PAPSS2: variants seen among roughly 807,000 people sequenced by gnomAD.
PAPSS2 encodes bifunctional 3'-phosphoadenosine 5'-phosphosulfate synthase 2.
PAPSS2 carries 61 observed loss-of-function variants against 66.5 expected under a neutral mutation model. The ratio of observed to expected loss-of-function variants is 0.92; its 90% confidence interval spans 0.75 to 1.14. The LOEUF (loss-of-function observed/expected upper bound fraction) is 1.14. PAPSS2 is among the 50% of genes most tolerant of loss of function. PAPSS2 has a pLI of 0.00. For synonymous variants in PAPSS2, 289 were observed against 287.5 expected, an observed-to-expected ratio of 1.01 and a Z score of -0.05; for missense variants, 708 against 789.6, an observed-to-expected ratio of 0.90 and a Z score of 1.24.
At chr10:87,676,797 A>C (rs1268248937) in intron 1 of PAPSS2, among the ~76,000 whole-genome samples, 2 of 143,186 alleles carry the variant, frequency 1.4e-5, no homozygotes, top group African/African-American at 5.2e-5. Context: ...ACTTGAGCCC[A>C]GCGGTTCCAG....
chr10:87,691,633 G>C (rs748122207), intron 1 of PAPSS2, among the ~76,000 whole-genome samples: 4 of 152,184 alleles, frequency 2.6e-5, no homozygotes, highest in African/African-American at 4.8e-5. Context: ...GTAAGTTTGG[G>C]AAATGAGATA....
chr10:87,735,470 A>C (rs1176597840), intron 9 of PAPSS2, among the ~76,000 whole-genome samples: 1 of 152,220 alleles, frequency 6.6e-6, no homozygotes, highest in East Asian at 1.9e-4. Flanking sequence ...TTTGGAGGTC[A>C]GTTCTCAAAA....
Position 87,715,112 on chromosome 10 carries a change from G to A in PAPSS2, c.753+14G>A. ...TCAATTACTAAGGTAAGTGGGTGCA[G>A]ACTGGTCAAATAATTAGGCTTAATA... On this transcript the variant is annotated intron_variant, in intron 6 of 12. Coordinates refer to ENST00000456849, the MANE Select transcript of PAPSS2 (RefSeq NM_001015880.2). 1 of 1,333,088 alleles carries A rather than the reference G, an allele frequency of 7.5e-7. No homozygotes were observed. The highest frequency in any genetic ancestry group is 1.1e-6 in the Non-Finnish European group (1 of 923,804). 82.6% of individuals were successfully genotyped at this position (1,333,088 alleles called of 1,614,324 possible). A position where few individuals can be genotyped will look rare whatever the true frequency, so the allele number is the denominator to read the frequency against.
In PAPSS2 at chr10:87,746,109, A is replaced by G; in HGVS notation, c.*139A>G. 2.1e-6 allele frequency: 1 copy of G among 485,662 alleles called. No homozygotes were observed. Among genetic ancestry groups the G allele is most frequent in the Non-Finnish European group, 3.4e-6 (1 of 296,230 alleles). The allele number at this position is 485,662 out of a possible 1,614,324, so 30.1% of individuals were successfully genotyped here. ...TGAAGTAAAAGTTGTGTCTATAATT[A>G]AAAAAAAATATATATATATACACAC... On this transcript the variant is annotated 3_prime_UTR_variant, in exon 13 of 13. Transcript: ENST00000456849.
chr10:87,665,920 G>C (rs550563616), intron 1 of PAPSS2, among the ~76,000 whole-genome samples: 1 of 150,274 alleles, frequency 6.7e-6, no homozygotes, highest in Non-Finnish European at 1.5e-5. Flanking sequence ...TTTTGGCCTA[G>C]TAGTTTCTTC....
At position 87,686,141 on chromosome 10, in the gene PAPSS2, G is replaced by GTT. The variant is rs572035192; in HGVS notation, c.28-23042_28-23041dup. 5.9e-3 allele frequency among the ~76,000 whole-genome samples: 814 copies of GTT among 137,212 alleles called. 12 individuals carry two copies. The highest frequency in any genetic ancestry group is 0.019 in the African/African-American group (715 of 37,786). 90.0% of individuals were successfully genotyped at this position (137,212 alleles called of 152,430 possible). On this transcript the variant is annotated intron_variant, in intron 1 of 12. Coordinates refer to ENST00000456849, the MANE Select transcript of PAPSS2 (RefSeq NM_001015880.2). ...AGCCTTTGAATCTGGATGGAAGGTGGTTTTTTTTTTTTTTCAGTAACAAAG... is the reference window on the plus strand; with the variant it reads ...AGCCTTTGAATCTGGATGGAAGGTGGTTTTTTTTTTTTTTTTCAGTAACAAAG...
chr10:87,673,055 C>G (rs1852899092), intron 1 of PAPSS2, among the ~76,000 whole-genome samples: 1 of 152,128 alleles, frequency 6.6e-6, no homozygotes. Context: ...AATTTGCCAC[C>G]TCCTGTTATA....
intron 7 of PAPSS2, among the ~76,000 whole-genome samples, chr10:87,719,969 TCTGC>T (rs1270591534): frequency 6.6e-6 from 1 of 152,136 alleles, no homozygotes; most frequent in African/African-American, 2.4e-5. Flanking sequence ...CACTGCAACC[TCTGC>T]CTCCTGGGTT....
At chr10:87,700,587 C>T (rs576418016) in intron 1 of PAPSS2, among the ~76,000 whole-genome samples, 9 of 150,266 alleles carry the variant, frequency 6.0e-5, no homozygotes, top group African/African-American at 1.5e-4. Context: ...GAGCCGGAGA[C>T]GTGGAGGCGG....
chr10:87,720,897 C>G (rs1853591419), intron 7 of PAPSS2, among the ~76,000 whole-genome samples: 1 of 152,138 alleles, frequency 6.6e-6, no homozygotes, highest in African/African-American at 2.4e-5. Context: ...CCAGGGTTGT[C>G]ACAGACCCTT....
At position 87,747,303 on chromosome 10, in the gene PAPSS2, GT is replaced by G. The variant is rs1853953693; in HGVS notation, c.*1334del. On this transcript the variant is annotated 3_prime_UTR_variant, in exon 13 of 13. Coordinates refer to ENST00000456849, the MANE Select transcript of PAPSS2 (RefSeq NM_001015880.2). ...TAATTCATTGTTGCCAAGGAATAAA[GT>G]GAAGAAACAGCACCTTTTAATATAT... 1 of 152,118 alleles carries G rather than the reference GT, an allele frequency of 6.6e-6. No homozygotes were observed. The highest frequency in any genetic ancestry group is 6.6e-5 in the Admixed American group (1 of 15,264). The allele number at this position is 152,118 out of a possible 1,614,324, so 9.4% of individuals were successfully genotyped here.
chr10:87,708,613 T>C (rs1025552500), intron 1 of PAPSS2, among the ~76,000 whole-genome samples: 1 of 152,114 alleles, frequency 6.6e-6, no homozygotes, highest in Non-Finnish European at 1.5e-5. Context: ...GACATTCCTC[T>C]AAGGTGCAAA....
In PAPSS2 at chr10:87,721,755, G is replaced by C. The variant is rs866909008; in HGVS notation, c.866-1G>C. 2 of 1,529,922 alleles carry C rather than the reference G, an allele frequency of 1.3e-6. No homozygotes were observed. The highest frequency in any genetic ancestry group is 1.8e-6 in the Non-Finnish European group (2 of 1,128,610). The allele number at this position is 1,529,922 out of a possible 1,614,324, so 94.8% of individuals were successfully genotyped here. A position where few individuals can be genotyped will look rare whatever the true frequency, so the allele number is the denominator to read the frequency against. ...TCTTAATTGTGTTTATATTTCCCTAGGCATGGCCCTTCCTGGTATGTACTT... is the reference window on the plus strand; with the variant it reads ...TCTTAATTGTGTTTATATTTCCCTACGCATGGCCCTTCCTGGTATGTACTT... On this transcript the variant is annotated splice_acceptor_variant, in intron 7 of 12. Coordinates refer to ENST00000456849, the MANE Select transcript of PAPSS2 (RefSeq NM_001015880.2). LOFTEE classifies it high-confidence loss of function.
chr10:87,690,048 A>G lies in PAPSS2; in HGVS notation c.28-19148A>G, dbSNP rs1589425684. ...ATGGACAATTTAGTTATATCTATTG[A>G]TATGACAGATGTTCATACTGATTGA... On this transcript the variant is annotated intron_variant, in intron 1 of 12. Coordinates refer to ENST00000456849, the MANE Select transcript of PAPSS2 (RefSeq NM_001015880.2). 3.3e-5 allele frequency among the ~76,000 whole-genome samples: 5 copies of G among 152,328 alleles called. 1 individual carries two copies. Among genetic ancestry groups the G allele is most frequent in the Admixed American group, 3.3e-4 (5 of 15,298 alleles).
At chr10:87,731,508 G>A (rs1476222533) in intron 9 of PAPSS2, among the ~76,000 whole-genome samples, 1 of 152,204 alleles carries the variant, frequency 6.6e-6, no homozygotes, top group African/African-American at 2.4e-5. Flanking sequence ...CATTTTGTAA[G>A]GGTATAGCTG....
At position 87,746,042 on chromosome 10, in the gene PAPSS2, G is replaced by T. The variant is rs1027669153; in HGVS notation, c.*72G>T. On this transcript the variant is annotated 3_prime_UTR_variant, in exon 13 of 13. Transcript: ENST00000456849. The stretch of plus-strand genomic sequence containing the variant: ...TTCTATTTTTATGATTAGATGCTTT[G>T]TATTAAATTGCTTCTCAATGATGCA... 21 of 1,421,614 alleles carry T rather than the reference G, an allele frequency of 1.5e-5. No homozygotes were observed. In the African/African-American group the frequency reaches 2.7e-4, roughly 18 times the overall value. The allele number at this position is 1,421,614 out of a possible 1,614,324, so 88.1% of individuals were successfully genotyped here.
intron 1 of PAPSS2, among the ~76,000 whole-genome samples, chr10:87,689,258 T>G (rs1343226517): frequency 8.0e-6 from 1 of 125,672 alleles, no homozygotes; most frequent in Non-Finnish European, 1.7e-5. Flanking sequence ...GAGAATTGCT[T>G]GAAACTGGGA....
chr10:87,704,040 G>A (rs1007849992), intron 1 of PAPSS2: 1 of 500,984 alleles, frequency 2.0e-6, no homozygotes, highest in Non-Finnish European at 4.0e-6. Context: ...ACAAGAAAAA[G>A]AAAAGTTTTT....
intron 10 of PAPSS2, 126 bp downstream of exon 10, chr10:87,741,496 G>A (rs1220925512): frequency 6.3e-6 from 5 of 793,904 alleles, no homozygotes; most frequent in South Asian, 1.4e-5. Flanking sequence ...CCAGGTTCAA[G>A]TAATTCTCCT....
Sources: allele counts gnomAD v4.1 joint callset (sites outside exome capture counted in the v4.1 genomes callset), GRCh38; gene constraint gnomAD v4.1.1; transcripts MANE v1.5; gene names NCBI Gene and HGNC (gene_info 2026-07-23, HGNC 2026-07-21).